IKBIP: variants seen among roughly 807,000 people sequenced by gnomAD.
IKBIP encodes inhibitor of nuclear factor kappa-B kinase-interacting protein.
A neutral mutation model predicts 31.0 loss-of-function variants in IKBIP; 28 were observed. The observed-to-expected ratio is 0.90, with a 90% CI of 0.67 to 1.24. The LOEUF is 1.24. Ranked by LOEUF, IKBIP falls within the 50% of genes most tolerant of loss-of-function variation. IKBIP has a pLI of 0.00. For missense variants in IKBIP, 453 were observed against 441.9 expected (o/e 1.03, Z -0.23); for synonymous variants, 164 against 160.3 (o/e 1.02, Z -0.17).
intron 2 of IKBIP, among the ~76,000 whole-genome samples, chr12:98,617,243 CTAAAATTCTGA>C (rs2097606783): frequency 6.6e-6 from 1 of 152,200 alleles, no homozygotes; most frequent in Non-Finnish European, 1.5e-5. Flanking sequence ...TTCCAAGGTT[CTAAAATTCTGA>C]TTCCAAATGC....
chr12:98,632,515 ATATATATATATATATATATATAT>A (rs2097621671), intron 2 of IKBIP, among the ~76,000 whole-genome samples: 1 of 45,176 alleles, frequency 2.2e-5, no homozygotes, highest in Non-Finnish European at 4.1e-5. Context: ...AAAAAAAAAT[ATATATATATATATATATATATAT>A]ATATATATAT....
chr12:98,615,895 GTTGA>G (rs1184214326), intron 2 of IKBIP, among the ~76,000 whole-genome samples: 1 of 151,918 alleles, frequency 6.6e-6, no homozygotes, highest in African/African-American at 2.4e-5. Context: ...TCATTCATCT[GTTGA>G]TTGACACTTA....
At chr12:98,642,599 CTT>C (rs11380575) in intron 1 of IKBIP, among the ~76,000 whole-genome samples, 2 of 115,272 alleles carry the variant, frequency 1.7e-5, no homozygotes, top group Non-Finnish European at 1.7e-5. Flanking sequence ...ATGCTATCTG[CTT>C]TTTTTTTTTT....
intron 1 of IKBIP, among the ~76,000 whole-genome samples, chr12:98,637,226 T>C (rs2097626507): frequency 1.3e-5 from 2 of 152,176 alleles, no homozygotes. Context: ...CCTTGCTACA[T>C]GTGAACGGTG....
chr12:98,638,884 C>T (rs368093422), intron 1 of IKBIP, among the ~76,000 whole-genome samples: 170 of 151,832 alleles, frequency 1.1e-3, no homozygotes, highest in African/African-American at 3.9e-3. Context: ...TGGGCTCAAG[C>T]GATCCTCTCG....
intron 2 of IKBIP, among the ~76,000 whole-genome samples, chr12:98,631,325 G>A (rs970634109): frequency 1.3e-5 from 2 of 151,788 alleles, no homozygotes; most frequent in Middle Eastern, 3.4e-3. Flanking sequence ...TTGTTGCCCA[G>A]GCTGGAGTGC....
chr12:98,632,868 T>C (rs941242858), intron 2 of IKBIP, among the ~76,000 whole-genome samples: 59 of 152,006 alleles, frequency 3.9e-4, no homozygotes, highest in African/African-American at 1.4e-3. Context: ...CTCAAGGTGA[T>C]CCGCCTGCCT....
At chr12:98,644,254 C>CT (rs1452469313) in intron 1 of IKBIP, among the ~76,000 whole-genome samples, 1 of 152,192 alleles carries the variant, frequency 6.6e-6, no homozygotes, top group Non-Finnish European at 1.5e-5. Flanking sequence ...ATCTGCAGCT[C>CT]TTAACAAATG....
chr12:98,641,877 A>C (rs945469518), intron 1 of IKBIP, among the ~76,000 whole-genome samples: 3 of 151,910 alleles, frequency 2.0e-5, no homozygotes, highest in African/African-American at 7.3e-5. Flanking sequence ...CTGGTTTCAA[A>C]CTCCTGACCT....
chr12:98,613,988 A>T, exon 3 of IKBIP: 1 of 1,611,118 alleles, frequency 6.2e-7, no homozygotes, highest in Non-Finnish European at 8.5e-7. Context: ...GCTTGAAAGA[A>T]GATCACCTAT....
chr12:98,614,463 T>C, intron 2 of IKBIP: 2 of 538,694 alleles, frequency 3.7e-6, no homozygotes, highest in Non-Finnish European at 5.8e-6. Context: ...CTTGTTCTGT[T>C]ACCCAGGATG....
intron 1 of IKBIP, among the ~76,000 whole-genome samples, chr12:98,634,711 T>A (rs895521813): frequency 3.5e-5 from 4 of 114,498 alleles, no homozygotes; most frequent in South Asian, 5.0e-4. Context: ...GTCTTTAGCC[T>A]TTTTTTTTTT....
chr12:98,613,661 A>AT lies in IKBIP; in HGVS notation c.976dup (p.Ile326AsnfsTer3), dbSNP rs2153292415. On this transcript the variant is annotated frameshift_variant, in exon 3 of 3. Transcript: ENST00000342502. LOFTEE classifies it high-confidence loss of function. Reference sequence around the variant, plus strand: ...AGCTTGGACTATTGTTAAATTAGATATTTTTTCACTTAAGAAAGCAATTTC... The same window carrying AT: ...AGCTTGGACTATTGTTAAATTAGATATTTTTTTCACTTAAGAAAGCAATTTC... 1 of 1,587,838 alleles carries AT rather than the reference A, an allele frequency of 6.3e-7. No homozygotes were observed. Among genetic ancestry groups the AT allele is most frequent in the East Asian group, 2.2e-5 (1 of 44,720 alleles).
rs551203826 is a variant in IKBIP, at chr12:98,625,843, A to C, written c.*87T>G. On this transcript the variant is annotated 3_prime_UTR_variant, in exon 3 of 3. Coordinates refer to ENST00000299157, the MANE Select transcript of IKBIP (RefSeq NM_153687.4). ...ATTTATTTTCCAATAATGTAGGATA[A>C]GATGAGGCGTATCAAAGTAACTCAA... 29 of 1,099,504 alleles carry C rather than the reference A, an allele frequency of 2.6e-5. No homozygotes were observed. The highest frequency in any genetic ancestry group is 3.4e-5 in the Non-Finnish European group (28 of 826,770). 68.1% of individuals were successfully genotyped at this position (1,099,504 alleles called of 1,614,324 possible).
chr12:98,639,575 A>T (rs1393090723), intron 1 of IKBIP, among the ~76,000 whole-genome samples: 1 of 152,196 alleles, frequency 6.6e-6, no homozygotes, highest in Non-Finnish European at 1.5e-5. Context: ...GAGACCTCAT[A>T]CAGATCTATC....
chr12:98,638,525 T>C (rs1417657221), intron 1 of IKBIP, among the ~76,000 whole-genome samples: 1 of 152,146 alleles, frequency 6.6e-6, no homozygotes, highest in East Asian at 1.9e-4. Context: ...TCCTCCTGCC[T>C]TGGCCTCCCA....
intron 1 of IKBIP, 45 bp downstream of exon 1, chr12:98,644,477 AG>A: frequency 2.0e-6 from 3 of 1,517,140 alleles, no homozygotes; most frequent in African/African-American, 1.4e-5. Context: ...CCCAAACAGC[AG>A]GGGGCCCACA....
chr12:98,623,560 CTTT>C (rs35433597), downstream of IKBIP, among the ~76,000 whole-genome samples: 22 of 64,210 alleles, frequency 3.4e-4, no homozygotes, highest in East Asian at 1.1e-3. Flanking sequence ...CCTCCTTACA[CTTT>C]TTTTTTTTTT....
chr12:98,616,002 G>C (rs1319304488), intron 2 of IKBIP, among the ~76,000 whole-genome samples: 1 of 151,670 alleles, frequency 6.6e-6, no homozygotes, highest in Non-Finnish European at 1.5e-5. Context: ...ATTTCTTTTG[G>C]ATATATATCC....
Sources: allele counts gnomAD v4.1 joint callset (sites outside exome capture counted in the v4.1 genomes callset), GRCh38; gene constraint gnomAD v4.1.1; transcripts MANE v1.5; gene names NCBI Gene and HGNC (gene_info 2026-07-23, HGNC 2026-07-21).